Variants in LETM1 observed in about 807,000 individuals in gnomAD.
LETM1 encodes leucine zipper and EF-hand containing transmembrane protein 1, also known as mitochondrial proton/calcium exchanger protein.
Under a neutral mutation model 74.5 loss-of-function variants are expected in LETM1, and 50 were observed. The ratio of observed to expected loss-of-function variants is 0.67; its 90% CI spans 0.53 to 0.85. The LOEUF is 0.85. Ranked by LOEUF, LETM1 falls within the 40% of genes least tolerant of loss-of-function variation. The pLI is 0.00. For missense variants in LETM1, 824 were observed against 967.8 expected (o/e 0.85, Z 1.97); for synonymous variants, 446 against 407.1 (o/e 1.10, Z -1.15).
At chr4:1,815,229 C>T (rs1711525366) in intron 13 of LETM1, among the ~76,000 whole-genome samples, 2 of 152,208 alleles carry the variant, frequency 1.3e-5, no homozygotes, top group African/African-American at 4.8e-5. Context: ...CACCTCTCAG[C>T]CTTGGGGCGG....
intron 4 of LETM1, 136 bp from the exon 5 acceptor site, chr4:1,835,118 A>C: frequency 1.2e-6 from 1 of 801,098 alleles, no homozygotes. Context: ...AGTGCAATAC[A>C]TTCTCAAACT....
Position 1,819,429 on chromosome 4 carries a change from G to A in LETM1, c.1652C>T (p.Ala551Val), listed in dbSNP as rs1560477494. The A allele has an allele frequency of 1.2e-6, 2 of 1,613,646 alleles. No homozygotes were observed. The highest frequency in any genetic ancestry group is 1.7e-6 in the Non-Finnish European group (2 of 1,179,800). ...TKEEIDILSD[A>V]CSKLQEQKKS... is the part of the protein sequence containing the mutation. ...CTTCTGCTCCTGCAGCTTAGAGCAG[G>A]CATCGCTGAGGATGTCGATTTCCTC... The change falls in exon 11 of 14, where the codon GCC becomes GTC. Residue 551 changes from alanine to valine, a missense_variant. By Grantham distance (64) the Ala-to-Val change is moderately conservative (BLOSUM62 0). Around this residue, in one of 4 missense-constraint regions of LETM1, gnomAD observed 161 missense variants for 252.7 expected, o/e 0.64. Transcript: ENST00000302787.
intron 4 of LETM1, among the ~76,000 whole-genome samples, chr4:1,835,502 T>C (rs1224144538): frequency 2.0e-5 from 3 of 151,316 alleles, no homozygotes; most frequent in South Asian, 2.1e-4. Context: ...AACAAACTCG[T>C]GTGATTCCCT....
At chr4:1,833,031 C>T (rs770213014) in intron 5 of LETM1, 84 bp from the exon 6 acceptor site, 44 of 1,227,130 alleles carry the variant, frequency 3.6e-5, no homozygotes, top group Middle Eastern at 2.7e-4. Flanking sequence ...CCAAAGGGTG[C>T]TGCCTCTCAT....
At chr4:1,845,808 G>A (rs1712865630) in intron 2 of LETM1, among the ~76,000 whole-genome samples, 1 of 149,502 alleles carries the variant, frequency 6.7e-6, no homozygotes, top group Non-Finnish European at 1.5e-5. Context: ...CGGATTACAG[G>A]CATGAGATTA....
intron 7 of LETM1, 64 bp from the exon 8 acceptor site, chr4:1,823,839 C>G (rs1318204696): frequency 6.5e-7 from 1 of 1,529,482 alleles, no homozygotes; most frequent in East Asian, 2.3e-5. Context: ...CACAGCAGGT[C>G]CGCCCATCTC....
In LETM1 at chr4:1,836,404, C is replaced by G. The variant is rs372516099; in HGVS notation, c.738+25G>C. 1,208 of 1,611,998 alleles carry G rather than the reference C, an allele frequency of 7.5e-4. 2 individuals carry two copies. Among genetic ancestry groups the G allele is most frequent in the Non-Finnish European group, 9.7e-4 (1,142 of 1,178,688 alleles). On this transcript the variant is annotated intron_variant, in intron 4 of 13. Transcript: ENST00000302787. This position sits in a 1 kb window ranked among gnomAD's most constrained non-coding sequence, Gnocchi z 5.8. Reference sequence around the variant, plus strand: ...AATGAATTTCAGACTCATTCTAAAACAAGCAGTTGGGATGCTGCCCTTACC... The same window carrying G: ...AATGAATTTCAGACTCATTCTAAAAGAAGCAGTTGGGATGCTGCCCTTACC...
At chr4:1,848,547 C>CAA (rs35425818) in intron 2 of LETM1, among the ~76,000 whole-genome samples, 17 of 72,258 alleles carry the variant, frequency 2.4e-4, no homozygotes, top group Non-Finnish European at 3.7e-4. Context: ...GACTCCGTCT[C>CAA]AAAAAAAAAA....
intron 1 of LETM1, among the ~76,000 whole-genome samples, chr4:1,851,228 G>A (rs368710703): frequency 2.4e-4 from 36 of 152,302 alleles, no homozygotes; most frequent in East Asian, 1.2e-3. Context: ...GAGGCTAGGC[G>A]GTGCCGGGAG....
chr4:1,825,793 C>A, intron 6 of LETM1, 110 bp from the exon 7 acceptor site: 2 of 1,264,406 alleles, frequency 1.6e-6, no homozygotes, highest in South Asian at 1.4e-5. Context: ...AAGCAAGAAT[C>A]AAACCACGGC....
chr4:1,819,488 G>T lies in LETM1; in HGVS notation c.1609-16C>A. 7 of 1,607,640 alleles carry T rather than the reference G, an allele frequency of 4.4e-6. No individual in the cohort carries two copies. The highest frequency in any genetic ancestry group is 5.9e-6 in the Non-Finnish European group (7 of 1,176,906). On this transcript the variant is annotated splice_polypyrimidine_tract_variant and intron_variant, in intron 10 of 13. Transcript: ENST00000302787. ...TCTCTTCCTCCTGGGATAAAAATGGGCAAACAACAAAGCCTGAGCCAAGGG... is the reference window on the plus strand; with the variant it reads ...TCTCTTCCTCCTGGGATAAAAATGGTCAAACAACAAAGCCTGAGCCAAGGG...
In LETM1 at chr4:1,823,590, G is replaced by T. The variant is rs956469522; in HGVS notation, c.1332+54C>A. 26 of 1,606,332 alleles carry T rather than the reference G, an allele frequency of 1.6e-5. No homozygotes were observed. In the South Asian group the frequency reaches 2.5e-4, roughly 16 times the overall value. ...TTGCACACCTCCCCCCACCCCAGAA[G>T]AGCGGAGCCACCTATGAAGAGATGA... On this transcript the variant is annotated intron_variant, in intron 8 of 13. Coordinates refer to ENST00000302787, the MANE Select transcript of LETM1 (RefSeq NM_012318.3).
chr4:1,832,690 G>A (rs1577318879), intron 6 of LETM1, 54 bp downstream of exon 6: 9 of 1,541,426 alleles, frequency 5.8e-6, no homozygotes, highest in Non-Finnish European at 7.2e-6. Flanking sequence ...TTTATCATCA[G>A]GAAACGAAAA....
In LETM1 at chr4:1,815,808, GAAGC is replaced by G. The variant is rs1560473673; in HGVS notation, c.1932-10_1932-7del. The G allele has an allele frequency of 6.2e-7, 1 of 1,613,700 alleles. No homozygotes were observed. Among genetic ancestry groups the G allele is most frequent in the Non-Finnish European group, 8.5e-7 (1 of 1,179,896 alleles). ...CGACACTGATGACGTTCTCCCTGTG[GAAGC>G]ACAGCCTGCATGTGGCCACGGGCAG... On this transcript the variant is annotated splice_region_variant and splice_polypyrimidine_tract_variant and intron_variant, in intron 12 of 13. Coordinates refer to ENST00000302787, the MANE Select transcript of LETM1 (RefSeq NM_012318.3).
intron 6 of LETM1, among the ~76,000 whole-genome samples, chr4:1,826,044 G>A (rs1331593011): frequency 6.6e-6 from 1 of 152,154 alleles, no homozygotes; most frequent in Non-Finnish European, 1.5e-5. Context: ...GATGGAAGGC[G>A]AGGGAACCAG....
chr4:1,849,089 C>T, intron 2 of LETM1, 60 bp downstream of exon 2: 1 of 1,165,892 alleles, frequency 8.6e-7, no homozygotes, highest in Non-Finnish European at 1.3e-6. Context: ...TCGTGACTCT[C>T]CACCATTTTC....
At chr4:1,816,010 A>C (rs151257304) in intron 12 of LETM1, among the ~76,000 whole-genome samples, 2,617 of 152,328 alleles carry the variant, frequency 0.017, 37 homozygotes, top group Non-Finnish European at 0.025. Context: ...AAACACAGAA[A>C]CACCACCAGG....
chr4:1,851,151 C>G (rs541221810), intron 1 of LETM1, among the ~76,000 whole-genome samples: 1 of 152,138 alleles, frequency 6.6e-6, no homozygotes, highest in African/African-American at 2.4e-5. Flanking sequence ...ATGCTGGGAA[C>G]AAGACAGGAA....
chr4:1,841,802 A>G lies in LETM1; in HGVS notation c.144-5T>C, dbSNP rs1167329353. 1.9e-6 allele frequency: 3 copies of G among 1,603,610 alleles called. No homozygotes were observed. Among genetic ancestry groups the G allele is most frequent in the Non-Finnish European group, 1.7e-6 (2 of 1,174,524 alleles). ...CAGCAGCCAAATGGAACATTCCTTG[A>G]AAAGGGAAGAGTGGAAAACAGTAGT... On this transcript the variant is annotated splice_polypyrimidine_tract_variant and splice_region_variant and intron_variant, in intron 2 of 13. Transcript: ENST00000302787.
Sources: gnomAD v4.1 joint callset for allele counts (sites outside exome capture counted in the v4.1 genomes callset) on GRCh38, gnomAD v4.1.1 for gene constraint, gnomAD v4.1.1 regional missense constraint, Gnocchi (gnomAD v3.1) non-coding constraint, MANE v1.5 for transcripts, NCBI Gene and HGNC (gene_info 2026-07-23, HGNC 2026-07-21) for gene names.